The following NAP1L1 variants were observed in gnomAD, a reference collection of about 807,000 sequenced individuals.
The protein encoded by NAP1L1 is nucleosome assembly protein 1 like 1, also known as nucleosome assembly protein 1-like 1.
In NAP1L1, 9 loss-of-function variants were observed where a neutral mutation model predicts 58.9. That is an observed-to-expected ratio of 0.15 (90% CI 0.09 to 0.27). The LOEUF is 0.27. Ranked by LOEUF, NAP1L1 falls within the 10% of genes least tolerant of loss-of-function variation. The pLI is 1.00. For missense variants in NAP1L1, 302 were observed against 458.8 expected, an observed-to-expected ratio of 0.66 and a Z score of 3.12; for synonymous variants, 130 against 138.3, an observed-to-expected ratio of 0.94 and a Z score of 0.42.
At chr12:76,072,202 T>A (rs370406992) in intron 2 of NAP1L1, among the ~76,000 whole-genome samples, 8 of 105,206 alleles carry the variant, frequency 7.6e-5, no homozygotes, top group Admixed American at 2.0e-4. Context: ...CCAAAACAAA[T>A]GAGAGAAAGA....
intron 11 of NAP1L1, among the ~76,000 whole-genome samples, chr12:76,051,576 G>A (rs950869164): frequency 4.6e-5 from 7 of 152,196 alleles, no homozygotes; most frequent in Admixed American, 4.6e-4. Flanking sequence ...ACAGGGTCTC[G>A]CTATGTTGCC....
At chr12:76,061,622 T>G (rs569513473) in intron 4 of NAP1L1, among the ~76,000 whole-genome samples, 2 of 152,172 alleles carry the variant, frequency 1.3e-5, no homozygotes, top group Non-Finnish European at 2.9e-5. Context: ...TAAAGAATGA[T>G]TAAACCTCTC....
At chr12:76,056,584 A>G (rs1949099191) in intron 6 of NAP1L1, 1 of 455,700 alleles carries the variant, frequency 2.2e-6, no homozygotes, top group African/African-American at 2.0e-5. Flanking sequence ...ACAGCACTGA[A>G]TGTGTGTCAC....
intron 8 of NAP1L1, 63 bp from the exon 9 acceptor site, chr12:76,053,972 AAC>A: frequency 2.7e-6 from 4 of 1,471,940 alleles, no homozygotes; most frequent in Non-Finnish European, 3.7e-6. Context: ...TACTTTAGTA[AAC>A]ACAGCTTCAT....
At position 76,037,761 on chromosome 12, in the gene NAP1L1, AATTCC is replaced by A. The variant is rs746711023; in HGVS notation, c.*10663_*10667del. ...ATCCCAGATTTCCTCTGGCTGAGTT[AATTCC>A]TTCCTAATCACTTCAAACTCTGATG... On this transcript the variant is annotated 3_prime_UTR_variant, in exon 15 of 15. Transcript: ENST00000618691. 3.3e-5 allele frequency: 5 copies of A among 152,222 alleles called. No homozygotes were observed. Among genetic ancestry groups the A allele is most frequent in the Admixed American group, 1.3e-4 (2 of 15,276 alleles). The allele number at this position is 152,222 out of a possible 1,614,324, so 9.4% of individuals were successfully genotyped here. A position where few individuals can be genotyped will look rare whatever the true frequency, so the allele number is the denominator to read the frequency against.
intron 1 of NAP1L1, chr12:76,083,819 G>C (rs1263723062): frequency 1.3e-5 from 2 of 152,242 alleles, no homozygotes; most frequent in African/African-American, 4.8e-5. Context: ...CAGGGACAGG[G>C]CTTACTCGCT....
chr12:76,066,153 CAAA>C (rs1565734938), intron 4 of NAP1L1, among the ~76,000 whole-genome samples: 141 of 128,702 alleles, frequency 1.1e-3, no homozygotes, highest in Non-Finnish European at 1.9e-3. Flanking sequence ...AACAAACAAA[CAAA>C]CCTGGCTCAA....
chr12:76,083,196 C>A (rs958337508), intron 1 of NAP1L1, among the ~76,000 whole-genome samples: 4 of 152,102 alleles, frequency 2.6e-5, no homozygotes, highest in Admixed American at 2.0e-4. Context: ...GACAAGGTTG[C>A]AGGCTACAAA....
rs531927624 is a variant in NAP1L1, at chr12:76,084,268, C to A, written c.-21+299G>T. Among the ~76,000 whole-genome samples the A allele has an allele frequency of 2.2e-4, 33 of 152,282 alleles. No homozygotes were observed. The South Asian group carries it at 6.0e-3, about 28-fold the overall frequency. On this transcript the variant is annotated intron_variant, in intron 1 of 14. Coordinates refer to ENST00000618691, the MANE Select transcript of NAP1L1 (RefSeq NM_004537.7). ...CCCGGGCGTCACCGCGGCCTCGCTC[C>A]GGTCCACGCGGAAAAGACGGTGGAG...
At chr12:76,064,786 G>C (rs1949587419) in intron 4 of NAP1L1, among the ~76,000 whole-genome samples, 1 of 150,990 alleles carries the variant, frequency 6.6e-6, no homozygotes, top group African/African-American at 2.4e-5. Context: ...GAATAAATTA[G>C]TATGTTTAAA....
At chr12:76,055,917 C>G in intron 7 of NAP1L1, 116 bp downstream of exon 7, 1 of 1,089,316 alleles carries the variant, frequency 9.2e-7, no homozygotes, top group East Asian at 2.4e-5. Flanking sequence ...TTAGCTATTT[C>G]AAAAGTAAGC....
At chr12:76,056,802 A>G (rs764937855) in intron 6 of NAP1L1, 204 of 337,000 alleles carry the variant, frequency 6.1e-4, no homozygotes, top group Admixed American at 1.2e-3. Context: ...ATTTAAGGTC[A>G]GGAGTTGGAG....
chr12:76,073,136 A>G (rs562707488), intron 2 of NAP1L1, among the ~76,000 whole-genome samples: 15 of 152,256 alleles, frequency 9.9e-5, no homozygotes, highest in African/African-American at 2.6e-4. Flanking sequence ...CTGAAGACAG[A>G]ATGCATAAGT....
At chr12:76,052,685 T>C (rs1948899663) in intron 11 of NAP1L1, among the ~76,000 whole-genome samples, 1 of 152,206 alleles carries the variant, frequency 6.6e-6, no homozygotes, top group South Asian at 2.1e-4. Context: ...CCATATGCCA[T>C]ATATGTGAAC....
chr12:76,049,475 A>G, intron 13 of NAP1L1: 1 of 1,535,678 alleles, frequency 6.5e-7, no homozygotes, highest in Non-Finnish European at 8.7e-7. Flanking sequence ...ACTGCAGCCA[A>G]CGTTGGAAAA....
intron 4 of NAP1L1, among the ~76,000 whole-genome samples, chr12:76,064,420 T>G (rs948695198): frequency 6.6e-6 from 1 of 152,020 alleles, no homozygotes; most frequent in Non-Finnish European, 1.5e-5. Flanking sequence ...CATACAGATC[T>G]TCACACTCAA....
chr12:76,079,908 G>A (rs937878118), intron 1 of NAP1L1, among the ~76,000 whole-genome samples: 1 of 152,084 alleles, frequency 6.6e-6, no homozygotes, highest in African/African-American at 2.4e-5. Flanking sequence ...CGCCTAGACT[G>A]GTCTGGAAAT....
intron 12 of NAP1L1, among the ~76,000 whole-genome samples, chr12:76,050,179 G>T (rs914798510): frequency 6.6e-6 from 1 of 152,104 alleles, no homozygotes; most frequent in Non-Finnish European, 1.5e-5. Context: ...ATACTACCTT[G>T]AATAGAAATT....
intron 1 of NAP1L1, chr12:76,083,975 C>G (rs1950508703): frequency 1.3e-5 from 2 of 152,160 alleles, no homozygotes; most frequent in African/African-American, 2.4e-5. Flanking sequence ...CCCCTCCCCG[C>G]GCGGCCGCCC....
Sources: gnomAD v4.1 joint callset for allele counts (sites outside exome capture counted in the v4.1 genomes callset) on GRCh38, gnomAD v4.1.1 for gene constraint, MANE v1.5 for transcripts, NCBI Gene and HGNC (gene_info 2026-07-23, HGNC 2026-07-21) for gene names.